The following CCT7 variants were observed in gnomAD, a reference collection of about 807,000 sequenced individuals.
CCT7 encodes the protein T-complex protein 1 subunit eta.
CCT7 carries 16 observed loss-of-function variants against 56.6 expected under a neutral mutation model. The observed-to-expected ratio is 0.28, with a 90% CI of 0.19 to 0.43. The LOEUF (loss-of-function observed/expected upper bound fraction) is 0.43, where lower values mean the gene tolerates loss of function less well. Ranked by LOEUF, CCT7 falls within the 20% of genes least tolerant of loss-of-function variation. The probability of loss-of-function intolerance (pLI) is 1.00; values close to 1 mark genes in which losing one functional copy is unlikely to be tolerated. For synonymous variants in CCT7, 262 were observed against 254.8 expected (o/e 1.03, Z -0.27); for missense variants, 519 against 685.6 (o/e 0.76, Z 2.71).
Position 73,249,876 on chromosome 2 carries a change from C to G in CCT7, c.1030C>G (p.Arg344Gly), listed in dbSNP as rs1687497649. Residue 344 changes from arginine to glycine, a missense_variant, in exon 9 of 12, where the codon CGA (arginine) becomes GGA (glycine). By Grantham distance (125) the Arg-to-Gly change is moderately radical (BLOSUM62 -2). Coordinates refer to ENST00000258091, the MANE Select transcript of CCT7 (RefSeq NM_006429.4). ...TGCTCTGTCAGCAGATGTGCTGGGT[C>G]GATGCCAGGTGTTTGAAGAGACCCA... Reference protein sequence around the residue: ...VNALSADVLGRCQVFEETQIG... With the variant: ...VNALSADVLGGCQVFEETQIG... The G allele has an allele frequency of 6.2e-7, 1 of 1,613,748 alleles. No homozygotes were observed. Among genetic ancestry groups the G allele is most frequent in the Admixed American group, 1.7e-5 (1 of 60,004 alleles).
chr2:73,240,696 A>C, intron 3 of CCT7, 153 bp downstream of exon 3: 1 of 447,182 alleles, frequency 2.2e-6, no homozygotes, highest in Non-Finnish European at 3.9e-6. Context: ...CAGCCTTTTA[A>C]AATTCATACT....
chr2:73,239,708 T>A lies in CCT7; in HGVS notation c.72T>A (p.Ser24Arg). ...CCCAAGGCATCCCCCAGCTTGTGAG[T>A]AACATCAGTGCCTGCCAGGTGATTG... ...DSSQGIPQLV[S>R]NISACQVIAE... The change falls in exon 2 of 12, where the codon AGT becomes AGA. Residue 24 changes from serine to arginine, a missense_variant. Ser to Arg is a moderately radical substitution (Grantham distance 110). Around this residue, in one of 3 missense-constraint regions of CCT7, gnomAD observed 276 missense variants for 357.3 expected, o/e 0.77. Coordinates refer to ENST00000258091, the MANE Select transcript of CCT7 (RefSeq NM_006429.4). The A allele has an allele frequency of 1.2e-6, 2 of 1,613,872 alleles. No individual in the cohort carries two copies. Among genetic ancestry groups the A allele is most frequent in the Non-Finnish European group, 1.7e-6 (2 of 1,179,768 alleles).
chr2:73,236,447 TCTC>T lies in CCT7; in HGVS notation c.6+2066_6+2068del, dbSNP rs565830572. Among the ~76,000 whole-genome samples the T allele has an allele frequency of 7.2e-5, 11 of 152,216 alleles. No homozygotes were observed. In the East Asian group the frequency reaches 1.9e-3, roughly 27 times the overall value. On this transcript the variant is annotated intron_variant, in intron 1 of 11. Transcript: ENST00000258091. Reference sequence around the variant, plus strand: ...ACCTCCATTCCCAGGTTCAAGCAATTCTCCTGCCTCAGCCTCCCAAGTAGCTGG... The same window carrying T: ...ACCTCCATTCCCAGGTTCAAGCAATTCTGCCTCAGCCTCCCAAGTAGCTGG...
chr2:73,251,244 G>A lies in CCT7; in HGVS notation c.1222G>A (p.Gly408Ser). 6.2e-7 allele frequency: 1 copy of A among 1,614,176 alleles called. No individual in the cohort carries two copies. The highest frequency in any genetic ancestry group is 8.5e-7 in the Non-Finnish European group (1 of 1,180,036). ...TCTGCAGAATGATTCAGTGGTGGCTGGTGGCGGGGCCATTGAGATGGAACT... is the reference window on the plus strand; with the variant it reads ...TCTGCAGAATGATTCAGTGGTGGCTAGTGGCGGGGCCATTGAGATGGAACT... ...RAIKNDSVVA[G>S]GGAIEMELSK... Residue 408 changes from glycine to serine, a missense_variant, in exon 11 of 12, where the codon GGT becomes AGT. By Grantham distance (56) the Gly-to-Ser change is moderately conservative (BLOSUM62 0). Coordinates refer to ENST00000258091, the MANE Select transcript of CCT7 (RefSeq NM_006429.4).
chr2:73,234,938 C>T (rs1224002673), intron 1 of CCT7, among the ~76,000 whole-genome samples: 2 of 152,200 alleles, frequency 1.3e-5, no homozygotes, highest in East Asian at 1.9e-4. Context: ...CACTCATTCG[C>T]TCAGTCATTA....
chr2:73,244,884 G>A (rs12465780), intron 6 of CCT7, among the ~76,000 whole-genome samples, 169 bp downstream of exon 6: 84,788 of 152,016 alleles, frequency 0.56, 25,617 homozygotes, highest in African/African-American at 0.82. Flanking sequence ...GTTACTAGAT[G>A]AACTTGGTAA....
At chr2:73,239,870 G>C in intron 2 of CCT7, 74 bp downstream of exon 2, 1 of 1,312,520 alleles carries the variant, frequency 7.6e-7, no homozygotes, top group Admixed American at 2.2e-5. Flanking sequence ...ACTAGCATAG[G>C]TTGGTATCAG....
At chr2:73,238,739 G>T (rs1172260773) in intron 1 of CCT7, among the ~76,000 whole-genome samples, 1 of 152,214 alleles carries the variant, frequency 6.6e-6, no homozygotes. Flanking sequence ...GCTTATCTCT[G>T]AAGGCTCAGA....
chr2:73,235,583 G>A (rs1370583614), intron 1 of CCT7: 1 of 1,001,512 alleles, frequency 1.0e-6, no homozygotes, highest in Non-Finnish European at 1.2e-6. Context: ...TTCATCTTCT[G>A]TGCAGAGGCA....
At chr2:73,238,281 C>T (rs937437802) in intron 1 of CCT7, among the ~76,000 whole-genome samples, 4 of 152,222 alleles carry the variant, frequency 2.6e-5, no homozygotes, top group African/African-American at 9.7e-5. Context: ...ATCTGAACTC[C>T]TCACCATAGT....
intron 10 of CCT7, 140 bp downstream of exon 10, chr2:73,250,578 C>A: frequency 2.2e-6 from 2 of 921,292 alleles, no homozygotes; most frequent in Non-Finnish European, 3.3e-6. Context: ...TGATTTGCCC[C>A]ACAAATGGTA....
chr2:73,247,899 T>C lies in CCT7; in HGVS notation c.756T>C (p.Asn252=). 1.2e-6 allele frequency: 2 copies of C among 1,614,102 alleles called. No homozygotes were observed. Residue 252 remains asparagine (N), a synonymous_variant, in exon 7 of 12, where the codon AAT becomes AAC. Transcript: ENST00000258091. ...VELELKAEKD[N]AEIRVHTVED... The stretch of plus-strand genomic sequence containing the variant: ...TCGAGTTGAAAGCTGAGAAAGACAA[T>C]GCTGAGATAAGAGTCCACACAGTTG...
intron 6 of CCT7, among the ~76,000 whole-genome samples, chr2:73,245,525 T>C (rs1687297862): frequency 6.6e-6 from 1 of 152,224 alleles, no homozygotes. Flanking sequence ...AATGGCAACA[T>C]GTAGCTAGTG....
At chr2:73,249,580 T>G (rs1687484397) in intron 8 of CCT7, among the ~76,000 whole-genome samples, 1 of 152,182 alleles carries the variant, frequency 6.6e-6, no homozygotes, top group Non-Finnish European at 1.5e-5. Flanking sequence ...ATAAGCTGAA[T>G]TGAATGGGTC....
intron 1 of CCT7, 109 bp downstream of exon 1, chr2:73,234,493 TCCTCGC>T: frequency 7.7e-7 from 1 of 1,306,762 alleles, no homozygotes; most frequent in Non-Finnish European, 1.1e-6. Flanking sequence ...GCCGCCTCTG[TCCTCGC>T]CCAGATCCCC....
intron 3 of CCT7, among the ~76,000 whole-genome samples, chr2:73,241,038 T>C (rs1321929563): frequency 1.3e-5 from 2 of 151,246 alleles, no homozygotes; most frequent in Non-Finnish European, 2.9e-5. Flanking sequence ...CCAGGCTTTT[T>C]TTTTTTTTTT....
At position 73,251,227 on chromosome 2, in the gene CCT7, A is replaced by G; in HGVS notation, c.1205A>G (p.Asn402Ser). Residue 402 changes from asparagine to serine, a missense_variant and splice_region_variant, in exon 11 of 12, where the codon AAT becomes AGT. Around this residue, in one of 3 missense-constraint regions of CCT7, gnomAD observed 237 missense variants for 300.8 expected, o/e 0.79. Transcript: ENST00000258091. The stretch of plus-strand genomic sequence containing the variant: ...TGAGAGGTGGTCTGATCTCTGCAGA[A>G]TGATTCAGTGGTGGCTGGTGGCGGG... Reference protein sequence around the residue: ...AIMIVRRAIKNDSVVAGGGAI... With the variant: ...AIMIVRRAIKSDSVVAGGGAI... 6.2e-7 allele frequency: 1 copy of G among 1,614,090 alleles called. No homozygotes were observed. The highest frequency in any genetic ancestry group is 8.5e-7 in the Non-Finnish European group (1 of 1,179,988).
chr2:73,252,324 G>GATATAT (rs57359293), intron 11 of CCT7, among the ~76,000 whole-genome samples: 4,047 of 127,260 alleles, frequency 0.032, 219 homozygotes, highest in African/African-American at 0.11. Flanking sequence ...CTCATTGTTT[G>GATATAT]ATATATATAT....
chr2:73,249,847 T>C lies in CCT7; in HGVS notation c.1001T>C (p.Val334Ala). The change falls in exon 9 of 12, where the codon GTG becomes GCG. Residue 334 changes from valine to alanine, a missense_variant. This residue lies in a region of CCT7 where 237 missense variants were observed against 300.8 expected (regional missense o/e 0.79). Transcript: ENST00000258091. ...TGTGGAGGCTCAATCCAGACCAGTGTGAATGCTCTGTCAGCAGATGTGCTG... is the reference window on the plus strand; with the variant it reads ...TGTGGAGGCTCAATCCAGACCAGTGCGAATGCTCTGTCAGCAGATGTGCTG... Reference protein sequence around the residue: ...MACGGSIQTSVNALSADVLGR... With the variant: ...MACGGSIQTSANALSADVLGR... 1 of 1,613,866 alleles carries C rather than the reference T, an allele frequency of 6.2e-7. No homozygotes were observed. The highest frequency in any genetic ancestry group is 2.2e-5 in the East Asian group (1 of 44,868).
Sources: gnomAD v4.1 joint callset for allele counts (sites outside exome capture counted in the v4.1 genomes callset) on GRCh38, gnomAD v4.1.1 for gene constraint, gnomAD v4.1.1 regional missense constraint, MANE v1.5 for transcripts, NCBI Gene and HGNC (gene_info 2026-07-23, HGNC 2026-07-21) for gene names.